Variants in RBM6 observed in about 807,000 individuals in gnomAD.
The protein encoded by RBM6 is RNA-binding protein 6.
RBM6 carries 23 observed loss-of-function variants against 140.4 expected under a neutral mutation model. That is an observed-to-expected ratio of 0.16 (90% confidence interval 0.12 to 0.23). The LOEUF (loss-of-function observed/expected upper bound fraction) is 0.23, where lower values mean the gene tolerates loss of function less well. RBM6 is among the 10% of genes least tolerant of loss of function. The pLI is 1.00. For missense variants in RBM6, 1,139 were observed against 1,386.7 expected (o/e 0.82, Z 2.84); for synonymous variants, 439 against 475.6 (o/e 0.92, Z 1.00).
At chr3:50,035,603 A>C (rs2108837689) in intron 6 of RBM6, among the ~76,000 whole-genome samples, 1 of 151,870 alleles carries the variant, frequency 6.6e-6, no homozygotes, top group African/African-American at 2.4e-5. Context: ...AATGGTGTGA[A>C]CCTGGGAAGC....
rs2090489953 is a variant in RBM6 at position 50,077,204 on chromosome 3, G to A, written c.*71G>A. 2 of 1,475,042 alleles carry A rather than the reference G, an allele frequency of 1.4e-6. No homozygotes were observed. Among genetic ancestry groups the A allele is most frequent in the Admixed American group, 2.3e-5 (1 of 43,466 alleles). The allele number at this position is 1,475,042 out of a possible 1,614,324, so 91.4% of individuals were successfully genotyped here. A position where few individuals can be genotyped will look rare whatever the true frequency, so the allele number is the denominator to read the frequency against. On this transcript the variant is annotated 3_prime_UTR_variant, in exon 21 of 21. Transcript: ENST00000266022. ...TTGTCTCTCCTTTTCTTTTGTTACTGTTCTTGCTGCTAGAACTTTTTTAAA... is the reference window on the plus strand; with the variant it reads ...TTGTCTCTCCTTTTCTTTTGTTACTATTCTTGCTGCTAGAACTTTTTTAAA...
rs377427964 is a variant in RBM6, at chr3:49,962,449, G to A, written c.-66-127G>A. The A allele has an allele frequency of 1.3e-4, 72 of 562,162 alleles. No homozygotes were observed. The East Asian group carries it at 1.7e-3, about 13-fold the overall frequency. 34.8% of individuals were successfully genotyped at this position (562,162 alleles called of 1,614,324 possible). A position where few individuals can be genotyped will look rare whatever the true frequency, so the allele number is the denominator to read the frequency against. On this transcript the variant is annotated intron_variant, in intron 1 of 20. Coordinates refer to ENST00000266022, the MANE Select transcript of RBM6 (RefSeq NM_005777.3). ...TCCATCTCAAAAAAAAAAAAGAAAAGAAAGAAAAGAAAGACCTTCAAAATT... is the reference window on the plus strand; with the variant it reads ...TCCATCTCAAAAAAAAAAAAGAAAAAAAAGAAAAGAAAGACCTTCAAAATT...
chr3:50,065,192 A>G, intron 16 of RBM6, 66 bp downstream of exon 16: 2 of 1,261,438 alleles, frequency 1.6e-6, no homozygotes, highest in Non-Finnish European at 2.3e-6. Flanking sequence ...TAGAAGAGGA[A>G]GCGCAAAGGC....
At chr3:50,007,196 T>G (rs1415326913) in intron 6 of RBM6, among the ~76,000 whole-genome samples, 2 of 151,514 alleles carry the variant, frequency 1.3e-5, no homozygotes. Flanking sequence ...GGAGTTTTTT[T>G]TTTTTTTTTT....
intron 5 of RBM6, among the ~76,000 whole-genome samples, chr3:49,976,940 TGTTAA>T (rs1185984173): frequency 1.3e-5 from 2 of 152,242 alleles, no homozygotes; most frequent in Admixed American, 6.5e-5. Flanking sequence ...CTTGGCATTC[TGTTAA>T]GTTGTGTTTT....
intron 6 of RBM6, among the ~76,000 whole-genome samples, chr3:50,025,493 A>G (rs751991393): frequency 6.6e-6 from 1 of 150,386 alleles, no homozygotes; most frequent in African/African-American, 2.4e-5. Context: ...TATTCCTGTT[A>G]ATATATACCT....
At chr3:50,058,337 TG>T in intron 9 of RBM6, 64 bp from the exon 10 acceptor site, 2 of 1,508,598 alleles carry the variant, frequency 1.3e-6, no homozygotes, top group South Asian at 2.3e-5. Context: ...GTCAGATTCT[TG>T]GGACTTCAAA....
rs535893149 is a variant in RBM6, at chr3:50,006,842, A to T, written c.1557+7329A>T. Reference sequence around the variant, plus strand: ...CAGCTACTTGGGAGGCTGAGGCAGGAGAATGGCGTGAACTGGGAGGCGGAG... The same window carrying T: ...CAGCTACTTGGGAGGCTGAGGCAGGTGAATGGCGTGAACTGGGAGGCGGAG... On this transcript the variant is annotated intron_variant, in intron 6 of 20. Transcript: ENST00000266022. Among the ~76,000 whole-genome samples, 21 of 151,536 alleles carry T rather than the reference A, an allele frequency of 1.4e-4. No homozygotes were observed. In the South Asian group the frequency reaches 1.7e-3, roughly 12 times the overall value.
At chr3:50,011,484 G>A (rs2086849047) in intron 6 of RBM6, among the ~76,000 whole-genome samples, 1 of 152,194 alleles carries the variant, frequency 6.6e-6, no homozygotes. Flanking sequence ...GGAGATTCCT[G>A]TAATCGGATG....
intron 1 of RBM6, among the ~76,000 whole-genome samples, chr3:49,955,483 C>T (rs1244782308): frequency 1.3e-5 from 2 of 151,874 alleles, no homozygotes; most frequent in Non-Finnish European, 2.9e-5. Flanking sequence ...CTGCAACCTT[C>T]GCCTCCCAGG....
intron 19 of RBM6, among the ~76,000 whole-genome samples, chr3:50,072,083 C>CA (rs974465674): frequency 0.045 from 1,825 of 40,762 alleles, 73 homozygotes; most frequent in African/African-American, 0.1. Context: ...GACTCTGTCT[C>CA]AAAAAAAAAA....
In RBM6 at chr3:49,972,049, T is replaced by C; in HGVS notation, c.1324-10T>C. The C allele has an allele frequency of 1.3e-6, 2 of 1,588,660 alleles. No homozygotes were observed. The highest frequency in any genetic ancestry group is 1.7e-5 in the Admixed American group (1 of 58,232). ...ATATTTGTGAAATAATTTTTCATTCTCAATTTAAGGATCAAGATTATAGGA... is the reference window on the plus strand; with the variant it reads ...ATATTTGTGAAATAATTTTTCATTCCCAATTTAAGGATCAAGATTATAGGA... On this transcript the variant is annotated splice_polypyrimidine_tract_variant and intron_variant, in intron 3 of 20. Coordinates refer to ENST00000266022, the MANE Select transcript of RBM6 (RefSeq NM_005777.3).
At chr3:49,964,098 C>T (rs778690623) in intron 2 of RBM6, among the ~76,000 whole-genome samples, 5 of 151,544 alleles carry the variant, frequency 3.3e-5, no homozygotes, top group Non-Finnish European at 5.9e-5. Flanking sequence ...GTAGAGATGG[C>T]GTTTCACCAT....
chr3:49,998,495 G>A (rs929756765), intron 5 of RBM6, among the ~76,000 whole-genome samples: 1 of 152,170 alleles, frequency 6.6e-6, no homozygotes, highest in Admixed American at 6.5e-5. Flanking sequence ...ATTGACAAGT[G>A]TATTTTTGTA....
chr3:50,067,173 C>A, intron 17 of RBM6, among the ~76,000 whole-genome samples: 1 of 110,912 alleles, frequency 9.0e-6, no homozygotes. Context: ...GGTGACAGAC[C>A]AAGACTCTAT....
intron 1 of RBM6, chr3:49,941,024 A>T (rs1230160168): frequency 6.6e-6 from 1 of 151,502 alleles, no homozygotes; most frequent in Non-Finnish European, 1.5e-5. Context: ...GAAGGAGTTC[A>T]GTAGACATGC....
chr3:50,004,394 G>T (rs62262144), intron 6 of RBM6, among the ~76,000 whole-genome samples: 11,354 of 143,272 alleles, frequency 0.079, 489 homozygotes, highest in African/African-American at 0.1. Flanking sequence ...GGCTCACTGC[G>T]GCCTCGATCT....
intron 5 of RBM6, chr3:49,981,648 G>T (rs2085309630): frequency 6.6e-6 from 1 of 152,190 alleles, no homozygotes. Context: ...CATAGCAGGA[G>T]AAGGAGCTGG....
At chr3:50,071,389 G>C (rs867952863) in intron 19 of RBM6, among the ~76,000 whole-genome samples, 2 of 152,232 alleles carry the variant, frequency 1.3e-5, no homozygotes, top group Non-Finnish European at 2.9e-5. Flanking sequence ...GCAGGGTATT[G>C]ACTTAGCTTT....
Sources: gnomAD v4.1 joint callset for allele counts (sites outside exome capture counted in the v4.1 genomes callset) on GRCh38, gnomAD v4.1.1 for gene constraint, MANE v1.5 for transcripts, NCBI Gene and HGNC (gene_info 2026-07-23, HGNC 2026-07-21) for gene names.